The following INPP4B variants were observed in gnomAD, a reference collection of about 807,000 sequenced individuals.
INPP4B encodes inositol polyphosphate 4-phosphatase type II.
A neutral mutation model predicts 122.5 loss-of-function variants in INPP4B; 55 were observed. The observed-to-expected ratio is 0.45, with a 90% CI of 0.36 to 0.56. INPP4B has a LOEUF of 0.56. Ranked by LOEUF, INPP4B falls within the 20% of genes least tolerant of loss-of-function variation. The probability of loss-of-function intolerance (pLI) is 0.00; values close to 1 mark genes in which losing one functional copy is unlikely to be tolerated. For missense variants in INPP4B, 1,000 were observed against 1,097.7 expected (o/e 0.91, Z 1.26); for synonymous variants, 403 against 388.7 (o/e 1.04, Z -0.43).
At chr4:142,136,265 C>A (rs889941965) in intron 18 of INPP4B, among the ~76,000 whole-genome samples, 3 of 152,130 alleles carry the variant, frequency 2.0e-5, no homozygotes, top group Non-Finnish European at 4.4e-5. Context: ...GATGGAAGGT[C>A]GGGCAGGCAC....
At chr4:142,407,053 G>T (rs1324585863) in intron 5 of INPP4B, among the ~76,000 whole-genome samples, 1 of 152,108 alleles carries the variant, frequency 6.6e-6, no homozygotes, top group Non-Finnish European at 1.5e-5. Flanking sequence ...AAAAATACTG[G>T]TGCCAGGTTT....
chr4:142,489,154 G>C (rs1821551113), intron 2 of INPP4B, among the ~76,000 whole-genome samples: 2 of 151,996 alleles, frequency 1.3e-5, no homozygotes. Flanking sequence ...CCAAATATTT[G>C]ATAATTTTTA....
intron 2 of INPP4B, among the ~76,000 whole-genome samples, chr4:142,672,024 T>C (rs909096897): frequency 6.6e-6 from 1 of 152,186 alleles, no homozygotes; most frequent in African/African-American, 2.4e-5. Context: ...CTGAGTCTGA[T>C]GTCTTTCATT....
Position 142,257,517 on chromosome 4 carries a change from C to A in INPP4B, c.688+2975G>T, listed in dbSNP as rs995532139. Among the ~76,000 whole-genome samples, 6 of 152,178 alleles carry A rather than the reference C, an allele frequency of 3.9e-5. No homozygotes were observed. In the East Asian group the frequency reaches 7.7e-4, roughly 20 times the overall value. On this transcript the variant is annotated intron_variant, in intron 11 of 25. Coordinates refer to ENST00000262992, the MANE Select transcript of INPP4B (RefSeq NM_001101669.3). ...GCAACTTCAGCAAAGTCTCAGGATA[C>A]AAAATCAATGTACAAAAATCACAAG... is the stretch of plus-strand genomic sequence containing the variant.
In INPP4B at chr4:142,310,125, G is replaced by GT. The variant is rs575225082; in HGVS notation, c.423+4586dup. Among the ~76,000 whole-genome samples the GT allele has an allele frequency of 2.6e-3, 373 of 144,272 alleles. 1 individual carries two copies. Among genetic ancestry groups the GT allele is most frequent in the South Asian group, 4.4e-3 (20 of 4,516 alleles). The allele number at this position is 144,272 out of a possible 152,430, so 94.6% of individuals were successfully genotyped here. Reference sequence around the variant, plus strand: ...CACAAAGCCTGTATTCAAAGCACAGGTTTTTTTTTTTTTATATTACAATTT... The same window carrying GT: ...CACAAAGCCTGTATTCAAAGCACAGGTTTTTTTTTTTTTTATATTACAATTT... On this transcript the variant is annotated intron_variant, in intron 8 of 25. Coordinates refer to ENST00000262992, the MANE Select transcript of INPP4B (RefSeq NM_001101669.3).
chr4:142,210,263 T>C (rs1473996786), intron 12 of INPP4B, among the ~76,000 whole-genome samples: 1 of 152,234 alleles, frequency 6.6e-6, no homozygotes, highest in Non-Finnish European at 1.5e-5. Flanking sequence ...AAATGTGACT[T>C]GCTTTCAAAT....
intron 1 of INPP4B, among the ~76,000 whole-genome samples, chr4:142,815,178 C>A (rs1174052589): frequency 6.6e-6 from 1 of 152,086 alleles, no homozygotes; most frequent in Non-Finnish European, 1.5e-5. Flanking sequence ...TGGTATTCCT[C>A]AAAATTTTGA....
At chr4:142,374,366 C>T (rs1438628055) in intron 7 of INPP4B, among the ~76,000 whole-genome samples, 1 of 151,808 alleles carries the variant, frequency 6.6e-6, no homozygotes, top group Non-Finnish European at 1.5e-5. Context: ...TATAACTTTT[C>T]TTTCAGTCAT....
At chr4:142,784,385 A>G (rs1306335359) in intron 1 of INPP4B, among the ~76,000 whole-genome samples, 1 of 148,832 alleles carries the variant, frequency 6.7e-6, no homozygotes, top group Admixed American at 6.7e-5. Context: ...ATAAATAAAT[A>G]AATAAATAAA....
At chr4:142,621,956 T>C (rs1745034414) in intron 2 of INPP4B, among the ~76,000 whole-genome samples, 2 of 151,934 alleles carry the variant, frequency 1.3e-5, no homozygotes, top group South Asian at 4.1e-4. Flanking sequence ...GTAGAAAAAC[T>C]AAGACAGAAG....
At chr4:142,092,294 T>A (rs1305408439) in intron 23 of INPP4B, among the ~76,000 whole-genome samples, 1 of 152,052 alleles carries the variant, frequency 6.6e-6, no homozygotes, top group Non-Finnish European at 1.5e-5. Context: ...TGTTTTTTGT[T>A]TGCTTTTGTT....
At position 142,112,767 on chromosome 4, in the gene INPP4B, G is replaced by C. The variant is rs1394993032; in HGVS notation, c.2136-85C>G. On this transcript the variant is annotated intron_variant, in intron 21 of 25. Coordinates refer to ENST00000262992, the MANE Select transcript of INPP4B (RefSeq NM_001101669.3). ...ATTTATTGGAAGAAAACATTAAAAG[G>C]GTTGGAATATAGCACTGATTTAGGT... 5 of 1,343,762 alleles carry C rather than the reference G, an allele frequency of 3.7e-6. No homozygotes were observed. In the South Asian group the frequency reaches 5.5e-5, roughly 15 times the overall value. The allele number at this position is 1,343,762 out of a possible 1,614,324, so 83.2% of individuals were successfully genotyped here. A position where few individuals can be genotyped will look rare whatever the true frequency, so the allele number is the denominator to read the frequency against.
intron 18 of INPP4B, among the ~76,000 whole-genome samples, chr4:142,139,454 G>T (rs769809262): frequency 6.6e-6 from 1 of 152,012 alleles, no homozygotes; most frequent in African/African-American, 2.4e-5. Context: ...CTACAGGCGC[G>T]TGCTACCATG....
At chr4:142,038,044 A>G (rs191116887) in intron 25 of INPP4B, among the ~76,000 whole-genome samples, 68 of 152,314 alleles carry the variant, frequency 4.5e-4, no homozygotes, top group African/African-American at 1.6e-3. Flanking sequence ...TAGGAAATGG[A>G]GAAGGATTTT....
intron 2 of INPP4B, among the ~76,000 whole-genome samples, chr4:142,605,497 G>C (rs1388105583): frequency 6.6e-6 from 1 of 151,940 alleles, no homozygotes; most frequent in African/African-American, 2.4e-5. Context: ...ACAACCTCTT[G>C]AATGAGAGAA....
intron 7 of INPP4B, among the ~76,000 whole-genome samples, chr4:142,387,882 A>T (rs1018578393): frequency 1.3e-5 from 2 of 152,160 alleles, no homozygotes; most frequent in African/African-American, 4.8e-5. Flanking sequence ...CAAACTGGTC[A>T]GTCATGTCCT....
intron 1 of INPP4B, among the ~76,000 whole-genome samples, chr4:142,750,183 A>G (rs1769456069): frequency 6.6e-6 from 1 of 152,080 alleles, no homozygotes; most frequent in Non-Finnish European, 1.5e-5. Flanking sequence ...TAAAACTTTG[A>G]TATATAGAAT....
intron 2 of INPP4B, among the ~76,000 whole-genome samples, chr4:142,629,041 A>G (rs1379823198): frequency 6.6e-6 from 1 of 152,076 alleles, no homozygotes; most frequent in Non-Finnish European, 1.5e-5. Context: ...AATAATCCAG[A>G]AACAGAATAT....
chr4:142,817,503 T>A (rs1780249787), intron 1 of INPP4B, among the ~76,000 whole-genome samples: 1 of 152,114 alleles, frequency 6.6e-6, no homozygotes, highest in African/African-American at 2.4e-5. Flanking sequence ...TCCCAGCTCT[T>A]CTCACACTTT....
Sources: gnomAD v4.1 joint callset for allele counts (sites outside exome capture counted in the v4.1 genomes callset) on GRCh38, gnomAD v4.1.1 for gene constraint, MANE v1.5 for transcripts, NCBI Gene and HGNC (gene_info 2026-07-23, HGNC 2026-07-21) for gene names.